SUGCT: variants seen among roughly 807,000 people sequenced by gnomAD.
SUGCT encodes succinyl-CoA:glutarate-CoA transferase, also known as succinyl-CoA:glutarate CoA-transferase.
SUGCT carries 41 observed loss-of-function variants against 55.0 expected under a neutral mutation model. The ratio of observed to expected loss-of-function variants is 0.74; its 90% confidence interval spans 0.58 to 0.97. SUGCT has a LOEUF of 0.97. SUGCT is among the 50% of genes least tolerant of loss of function. The pLI, the probability that SUGCT is intolerant of heterozygous loss-of-function variation, is 0.00. For missense variants in SUGCT, 568 were observed against 547.8 expected (o/e 1.04, Z -0.37); for synonymous variants, 187 against 200.4 (o/e 0.93, Z 0.56).
chr7:40,346,420 A>G (rs753188459), intron 9 of SUGCT, among the ~76,000 whole-genome samples: 2 of 152,132 alleles, frequency 1.3e-5, no homozygotes, highest in Non-Finnish European at 2.9e-5. Context: ...TAACAGAGAG[A>G]AAATTACAAC....
At chr7:40,158,579 A>G (rs1784005792) in intron 1 of SUGCT, among the ~76,000 whole-genome samples, 4 of 152,152 alleles carry the variant, frequency 2.6e-5, no homozygotes, top group Non-Finnish European at 4.4e-5. Flanking sequence ...AGTGAAACCC[A>G]TCTCTACTAA....
At chr7:40,335,667 T>G (rs951557406) in intron 9 of SUGCT, among the ~76,000 whole-genome samples, 2 of 152,226 alleles carry the variant, frequency 1.3e-5, no homozygotes, top group African/African-American at 4.8e-5. Context: ...ATGGGTTTTC[T>G]AGATATACAA....
intron 8 of SUGCT, among the ~76,000 whole-genome samples, chr7:40,290,485 A>C (rs1046536562): frequency 3.2e-4 from 48 of 152,118 alleles, no homozygotes; most frequent in African/African-American, 1.2e-3. Context: ...CCTTCCTTAC[A>C]CCTTATACAA....
chr7:40,976,622 G>A, the SUGCT span, among the ~76,000 whole-genome samples: 1 of 152,226 alleles, frequency 6.6e-6, no homozygotes, highest in East Asian at 1.9e-4. Context: ...AATTTTTCCA[G>A]GCTTTTTGTC....
At chr7:41,031,255 C>A in the SUGCT span, among the ~76,000 whole-genome samples, 1 of 152,278 alleles carries the variant, frequency 6.6e-6, no homozygotes, top group East Asian at 1.9e-4. Context: ...GGGCAGTTCA[C>A]TGAAACCTGA....
At chr7:40,901,379 T>TA in the SUGCT span, among the ~76,000 whole-genome samples, 1 of 152,210 alleles carries the variant, frequency 6.6e-6, no homozygotes, top group Non-Finnish European at 1.5e-5. Context: ...TGTTTCAACT[T>TA]ATGGGGAATT....
chr7:40,480,117 C>G (rs1345188385), intron 11 of SUGCT, among the ~76,000 whole-genome samples: 1 of 151,870 alleles, frequency 6.6e-6, no homozygotes, highest in East Asian at 1.9e-4. Flanking sequence ...GGAAACTTTC[C>G]CCCCATCTTT....
At chr7:40,642,498 A>G (rs1800315384) in intron 12 of SUGCT, among the ~76,000 whole-genome samples, 1 of 152,172 alleles carries the variant, frequency 6.6e-6, no homozygotes, top group African/African-American at 2.4e-5. Context: ...GGCATGATAT[A>G]ACTCCTGTGA....
At chr7:40,594,705 C>G (rs939517927) in intron 12 of SUGCT, among the ~76,000 whole-genome samples, 1 of 152,152 alleles carries the variant, frequency 6.6e-6, no homozygotes, top group Non-Finnish European at 1.5e-5. Flanking sequence ...TAGTCAGGTC[C>G]TGTGTGGCAC....
chr7:40,412,615 A>G (rs375536113), intron 9 of SUGCT, among the ~76,000 whole-genome samples: 6 of 152,110 alleles, frequency 3.9e-5, no homozygotes, highest in Non-Finnish European at 7.4e-5. Flanking sequence ...TATGTCTCCC[A>G]TAATTCTTAT....
the SUGCT span, among the ~76,000 whole-genome samples, chr7:40,950,887 A>G: frequency 6.6e-6 from 1 of 152,052 alleles, no homozygotes; most frequent in East Asian, 1.9e-4. Context: ...TTTTGCATCG[A>G]TGTTCATCGG....
intron 9 of SUGCT, among the ~76,000 whole-genome samples, chr7:40,324,896 T>G (rs1795954579): frequency 6.6e-6 from 1 of 152,228 alleles, no homozygotes; most frequent in East Asian, 1.9e-4. Context: ...GGTAATTTCT[T>G]CTAAACTTTT....
At chr7:40,336,547 T>A (rs2151163842) in intron 9 of SUGCT, among the ~76,000 whole-genome samples, 1 of 152,354 alleles carries the variant, frequency 6.6e-6, no homozygotes, top group African/African-American at 2.4e-5. Context: ...GAGGTGTTTA[T>A]AGTATTCTCT....
At chr7:40,613,155 A>T (rs929670824) in intron 12 of SUGCT, among the ~76,000 whole-genome samples, 1 of 152,052 alleles carries the variant, frequency 6.6e-6, no homozygotes, top group Non-Finnish European at 1.5e-5. Context: ...TTGGAGCCAA[A>T]TTCAACGATA....
the SUGCT span, among the ~76,000 whole-genome samples, chr7:40,980,899 T>C: frequency 6.6e-6 from 1 of 152,188 alleles, no homozygotes; most frequent in African/African-American, 2.4e-5. Flanking sequence ...AATCTTGCCA[T>C]GTTGCTCAGG....
At chr7:40,858,372 C>T (rs555951574) in intron 13 of SUGCT, among the ~76,000 whole-genome samples, 44 of 130,590 alleles carry the variant, frequency 3.4e-4, no homozygotes, top group Non-Finnish European at 5.7e-4. Flanking sequence ...CATTGCACTC[C>T]AGCCTGGGCA....
intron 7 of SUGCT, among the ~76,000 whole-genome samples, chr7:40,274,073 C>CTTTTTTTTT (rs386409972): frequency 0.01 from 687 of 68,042 alleles, 55 homozygotes; most frequent in African/African-American, 0.023. Context: ...TTTTTACCTT[C>CTTTTTTTTT]TTTTTTTTTT....
At chr7:40,881,218 A>G in the SUGCT span, among the ~76,000 whole-genome samples, 1 of 152,156 alleles carries the variant, frequency 6.6e-6, no homozygotes, top group African/African-American at 2.4e-5. Flanking sequence ...CCATCAGCCA[A>G]AGCCTTGGCT....
chr7:40,967,367 G>GA, the SUGCT span: 16 of 152,180 alleles, frequency 1.1e-4, no homozygotes, highest in Non-Finnish European at 2.1e-4. Flanking sequence ...TAAGTAATGA[G>GA]AAAATCACAG....
Sources: allele counts gnomAD v4.1 joint callset (sites outside exome capture counted in the v4.1 genomes callset), GRCh38; gene constraint gnomAD v4.1.1; transcripts MANE v1.5; gene names NCBI Gene and HGNC (gene_info 2026-07-23, HGNC 2026-07-21).